Variants in CHD6 observed in about 807,000 individuals in gnomAD.
CHD6 encodes the protein ATP-dependent chromatin remodeler CHD6.
Under a neutral mutation model 276.9 loss-of-function variants are expected in CHD6, and 50 were observed. That is an observed-to-expected ratio of 0.18 (90% CI 0.14 to 0.23). CHD6 has a LOEUF of 0.23. CHD6 is among the 10% of genes least tolerant of loss of function. CHD6 has a pLI of 1.00. For missense variants in CHD6, 2,564 were observed against 3,365.8 expected (o/e 0.76, Z 5.89); for synonymous variants, 1,173 against 1,229.3 (o/e 0.95, Z 0.96).
chr20:41,508,549 A>G (rs1431323594), intron 5 of CHD6, among the ~76,000 whole-genome samples: 1 of 152,148 alleles, frequency 6.6e-6, no homozygotes, highest in Non-Finnish European at 1.5e-5. Context: ...AGGGGGTGGC[A>G]GCAGAAACCA....
intron 5 of CHD6, among the ~76,000 whole-genome samples, chr20:41,503,118 T>G (rs967726086): frequency 3.9e-5 from 6 of 152,216 alleles, no homozygotes; most frequent in African/African-American, 1.4e-4. Flanking sequence ...GGCTTGTGTA[T>G]TTTTTGAGTT....
chr20:41,440,685 C>T lies in CHD6; in HGVS notation c.3878-556G>A, dbSNP rs150959390. Among the ~76,000 whole-genome samples, 419 of 152,318 alleles carry T rather than the reference C, an allele frequency of 2.8e-3. 2 individuals are homozygous for T. The highest frequency in any genetic ancestry group is 0.024 in the Middle Eastern group (7 of 294). ...ACTCCTCATCACACCCCAAAGTTAACAACAGACAGTGTTTTGACCCAGAAG... is the reference window on the plus strand; with the variant it reads ...ACTCCTCATCACACCCCAAAGTTAATAACAGACAGTGTTTTGACCCAGAAG... On this transcript the variant is annotated intron_variant, in intron 25 of 36. Coordinates refer to ENST00000373233, the MANE Select transcript of CHD6 (RefSeq NM_032221.5).
At chr20:41,438,028 G>A (rs1319102903) in intron 26 of CHD6, among the ~76,000 whole-genome samples, 1 of 152,150 alleles carries the variant, frequency 6.6e-6, no homozygotes, top group African/African-American at 2.4e-5. Context: ...TCTGATAAAA[G>A]AACACACTCT....
At position 41,425,311 on chromosome 20, in the gene CHD6, A is replaced by G. The variant is rs746210997; in HGVS notation, c.4213T>C (p.Tyr1405His). 5.0e-6 allele frequency: 8 copies of G among 1,614,106 alleles called. No homozygotes were observed. The Admixed American group carries it at 1.2e-4, about 24-fold the overall frequency. Residue 1405 changes from tyrosine to histidine, a missense_variant, in exon 29 of 37, where the codon TAC becomes CAC. Around this residue, in one of 7 missense-constraint regions of CHD6, gnomAD observed 515 missense variants for 739.5 expected, o/e 0.70. Transcript: ENST00000373233. ...TARLRRLVTV[Y>H]QRCNRKELCR... is the part of the protein sequence containing the mutation. ...AGTTCCTTGCGGTTGCAGCGCTGGTAAACAGTGACCAGACGTCTGAGACGA... is the reference window on the plus strand; with the variant it reads ...AGTTCCTTGCGGTTGCAGCGCTGGTGAACAGTGACCAGACGTCTGAGACGA...
intron 3 of CHD6, among the ~76,000 whole-genome samples, chr20:41,520,643 G>C (rs963717479): frequency 1.4e-5 from 2 of 141,642 alleles, no homozygotes; most frequent in African/African-American, 5.2e-5. Flanking sequence ...ACACAGGAAG[G>C]GGAACATCAC....
In CHD6 at chr20:41,518,486, A is replaced by G. The variant is rs2044306021; in HGVS notation, c.555-3534T>C. 2.0e-5 allele frequency among the ~76,000 whole-genome samples: 3 copies of G among 152,182 alleles called. 1 individual carries two copies. The highest frequency in any genetic ancestry group is 2.0e-4 in the Admixed American group (3 of 15,282). ...GGGGAATCATGGTGAAGCACTTTCCAAGTCAAGCCTGAGGCGCTACTAGAT... is the reference window on the plus strand; with the variant it reads ...GGGGAATCATGGTGAAGCACTTTCCGAGTCAAGCCTGAGGCGCTACTAGAT... On this transcript the variant is annotated intron_variant, in intron 3 of 36. Coordinates refer to ENST00000373233, the MANE Select transcript of CHD6 (RefSeq NM_032221.5).
chr20:41,518,956 T>C (rs905218809), intron 3 of CHD6, among the ~76,000 whole-genome samples: 2 of 152,302 alleles, frequency 1.3e-5, no homozygotes, highest in African/African-American at 2.4e-5. Flanking sequence ...CCATGAATAT[T>C]TGTTTGCTCC....
intron 1 of CHD6, among the ~76,000 whole-genome samples, chr20:41,582,601 T>C (rs1035818012): frequency 3.3e-5 from 5 of 151,932 alleles, no homozygotes; most frequent in Admixed American, 2.6e-4. Context: ...ATAAGGCATA[T>C]GAAAAAGCAA....
intron 1 of CHD6, among the ~76,000 whole-genome samples, chr20:41,583,283 G>T (rs1308623770): frequency 6.6e-6 from 1 of 151,754 alleles, no homozygotes; most frequent in Non-Finnish European, 1.5e-5. Context: ...GCAGCCAGAG[G>T]GAGGAAAAAG....
At position 41,610,112 on chromosome 20, in the gene CHD6, T is replaced by A. The variant is rs59130107; in HGVS notation, c.-24+8228A>T. Among the ~76,000 whole-genome samples, 1,123 of 152,234 alleles carry A rather than the reference T, an allele frequency of 7.4e-3. 10 individuals carry two copies. The highest frequency in any genetic ancestry group is 0.026 in the African/African-American group (1,083 of 41,554). On this transcript the variant is annotated intron_variant, in intron 1 of 36. Transcript: ENST00000373233. ...CATCAAGTGATCTGCCCACCTCACC[T>A]CCCAAAGTGTTGGGATTACAGGCAT...
At chr20:41,420,091 T>C (rs1461453749) in intron 31 of CHD6, among the ~76,000 whole-genome samples, 2 of 152,260 alleles carry the variant, frequency 1.3e-5, no homozygotes, top group African/African-American at 4.8e-5. Flanking sequence ...AATTTATTTG[T>C]ATTTTTGTTC....
chr20:41,534,489 G>A (rs1241031818), intron 2 of CHD6, among the ~76,000 whole-genome samples: 1 of 149,624 alleles, frequency 6.7e-6, no homozygotes, highest in Non-Finnish European at 1.5e-5. Context: ...TCCCCCTTCT[G>A]TTTTTCCAGT....
intron 36 of CHD6, among the ~76,000 whole-genome samples, chr20:41,405,704 G>C (rs1007440598): frequency 1.3e-5 from 2 of 152,168 alleles, no homozygotes; most frequent in African/African-American, 4.8e-5. Flanking sequence ...TTGTGGCATG[G>C]GCACAACTAG....
chr20:41,437,490 G>A (rs1407347803), intron 26 of CHD6, among the ~76,000 whole-genome samples, 156 bp from the exon 27 acceptor site: 1 of 152,148 alleles, frequency 6.6e-6, no homozygotes, highest in Non-Finnish European at 1.5e-5. Flanking sequence ...TTTTATTACA[G>A]TATATTGTTA....
intron 8 of CHD6, chr20:41,497,056 A>C (rs1039184222): frequency 4.4e-6 from 1 of 225,762 alleles, no homozygotes; most frequent in African/African-American, 2.2e-5. Context: ...GGACCTTCTG[A>C]AATGTCCTTT....
intron 26 of CHD6, 116 bp from the exon 27 acceptor site, chr20:41,437,450 G>T: frequency 4.8e-6 from 3 of 630,134 alleles, no homozygotes; most frequent in South Asian, 2.1e-5. Context: ...GGAGAGACAG[G>T]GCGAGAGAGA....
intron 11 of CHD6, among the ~76,000 whole-genome samples, chr20:41,491,179 C>T (rs1180791792): frequency 6.6e-6 from 1 of 151,890 alleles, no homozygotes; most frequent in East Asian, 1.9e-4. Context: ...CCCTAGCTTA[C>T]TGTAACTTTT....
intron 17 of CHD6, among the ~76,000 whole-genome samples, chr20:41,471,091 G>A (rs1042790648): frequency 1.3e-5 from 2 of 152,150 alleles, no homozygotes; most frequent in African/African-American, 2.4e-5. Context: ...ATCTGAAAAG[G>A]GCCTGATAGT....
chr20:41,437,129 T>C lies in CHD6; in HGVS notation c.4068+145A>G, dbSNP rs2047734854. ...AAAAATGCAATTGCAGTCTGTGTAT[T>C]TTAAGTTTTTATAATAAAATGTTGG... On this transcript the variant is annotated intron_variant, in intron 27 of 36. Coordinates refer to ENST00000373233, the MANE Select transcript of CHD6 (RefSeq NM_032221.5). 8 of 587,428 alleles carry C rather than the reference T, an allele frequency of 1.4e-5. No homozygotes were observed. In the East Asian group the frequency reaches 2.0e-4, roughly 15 times the overall value. 36.4% of individuals were successfully genotyped at this position (587,428 alleles called of 1,614,324 possible). A position where few individuals can be genotyped will look rare whatever the true frequency, so the allele number is the denominator to read the frequency against.
Sources: allele counts gnomAD v4.1 joint callset (sites outside exome capture counted in the v4.1 genomes callset), GRCh38; gene constraint gnomAD v4.1.1; regional missense constraint gnomAD v4.1.1; transcripts MANE v1.5; gene names NCBI Gene and HGNC (gene_info 2026-07-23, HGNC 2026-07-21).